SLIT3: variants seen among roughly 807,000 people sequenced by gnomAD.
SLIT3 encodes the protein slit guidance ligand 3.
SLIT3 carries 68 observed loss-of-function variants against 184.0 expected under a neutral mutation model. The observed-to-expected ratio is 0.37, with a 90% CI of 0.30 to 0.45. The LOEUF is 0.45. Among genes scored for constraint, SLIT3 ranks in the 20% least tolerant of loss-of-function variants. The pLI, the probability that SLIT3 is intolerant of heterozygous loss-of-function variation, is 1.00. For synonymous variants in SLIT3, 831 were observed against 828.6 expected (o/e 1.00, Z -0.05); for missense variants, 1,707 against 2,026.0 (o/e 0.84, Z 3.02).
intron 1 of SLIT3, among the ~76,000 whole-genome samples, chr5:169,267,974 G>A (rs1766457263): frequency 6.6e-6 from 1 of 152,172 alleles, no homozygotes; most frequent in African/African-American, 2.4e-5. Context: ...TTAAGAAAAC[G>A]AAGGAACAGC....
chr5:169,017,258 C>T (rs562510154), intron 4 of SLIT3, among the ~76,000 whole-genome samples: 25 of 152,322 alleles, frequency 1.6e-4, no homozygotes, highest in African/African-American at 3.8e-4. Context: ...CAGGCTGCTT[C>T]GCATGTTATC....
intron 8 of SLIT3, among the ~76,000 whole-genome samples, chr5:168,808,013 G>A (rs925399081): frequency 2.6e-5 from 4 of 152,124 alleles, no homozygotes; most frequent in African/African-American, 9.7e-5. Flanking sequence ...AATGACCAAA[G>A]ATTCTTATTT....
At chr5:169,187,111 GTT>G (rs761501769) in intron 4 of SLIT3, among the ~76,000 whole-genome samples, 6,454 of 94,018 alleles carry the variant, frequency 0.069, 107 homozygotes, top group Middle Eastern at 0.12. Flanking sequence ...GCAGCTATAG[GTT>G]TTTTTTTTTT....
At chr5:169,001,783 T>C in intron 4 of SLIT3, among the ~76,000 whole-genome samples, 1 of 152,146 alleles carries the variant, frequency 6.6e-6, no homozygotes, top group East Asian at 1.9e-4. Flanking sequence ...AAAAGAAAAG[T>C]TTTAGACTCC....
chr5:168,748,358 G>A lies in SLIT3; in HGVS notation c.2214C>T (p.Cys738=). Residue 738 remains cysteine, a synonymous_variant, in exon 20 of 36, where the codon TGC becomes TGT. Transcript: ENST00000519560. ...GGAGGGCGCGGAGCCCCTTGTTGCT[G>A]CATCGCACCACTGTCTCCATACAGG... The part of the protein sequence containing the change: ...QCTCMETVVR[C]SNKGLRALPR... 1.3e-6 allele frequency: 2 copies of A among 1,502,694 alleles called. No individual in the cohort carries two copies. Among genetic ancestry groups the A allele is most frequent in the Non-Finnish European group, 1.8e-6 (2 of 1,133,840 alleles). The allele number at this position is 1,502,694 out of a possible 1,614,324, so 93.1% of individuals were successfully genotyped here.
At chr5:168,956,848 T>G (rs1208921924) in intron 4 of SLIT3, among the ~76,000 whole-genome samples, 1 of 151,794 alleles carries the variant, frequency 6.6e-6, no homozygotes, top group East Asian at 1.9e-4. Flanking sequence ...ACTGCTGAGA[T>G]ACCCACAAGA....
chr5:169,120,373 AAG>A (rs1760834721), intron 4 of SLIT3: 1 of 152,232 alleles, frequency 6.6e-6, no homozygotes, highest in South Asian at 2.1e-4. Flanking sequence ...TGGGAGGAGA[AAG>A]AGGGGATGTG....
intron 4 of SLIT3, among the ~76,000 whole-genome samples, chr5:168,897,133 CTACTAT>C (rs1307266217): frequency 1.5e-4 from 1 of 6,556 alleles, no homozygotes; most frequent in African/African-American, 1.7e-4. Context: ...ACTAGGGTGA[CTACTAT>C]GTACCCAGGG....
At chr5:169,245,933 A>G (rs1421851317) in intron 2 of SLIT3, among the ~76,000 whole-genome samples, 2 of 152,152 alleles carry the variant, frequency 1.3e-5, no homozygotes, top group Admixed American at 6.5e-5. Flanking sequence ...CCCAGTCCTA[A>G]CACAGTTGCC....
chr5:168,841,519 C>T (rs954471551), intron 6 of SLIT3, among the ~76,000 whole-genome samples: 1 of 152,138 alleles, frequency 6.6e-6, no homozygotes, highest in African/African-American at 2.4e-5. Flanking sequence ...ACTGGACATC[C>T]CCCATCGGGA....
At chr5:169,241,619 T>C (rs1025419052) in intron 3 of SLIT3, among the ~76,000 whole-genome samples, 2 of 152,160 alleles carry the variant, frequency 1.3e-5, no homozygotes, top group African/African-American at 4.8e-5. Flanking sequence ...AGCGCTTTAA[T>C]AAATATTCCT....
chr5:169,204,432 A>T (rs1239618404), intron 3 of SLIT3, among the ~76,000 whole-genome samples: 1 of 152,238 alleles, frequency 6.6e-6, no homozygotes, highest in Non-Finnish European at 1.5e-5. Flanking sequence ...GTTGATAGCT[A>T]GGAGAGAATG....
chr5:168,996,677 A>G (rs1226385734), intron 4 of SLIT3, among the ~76,000 whole-genome samples: 1 of 152,216 alleles, frequency 6.6e-6, no homozygotes, highest in Non-Finnish European at 1.5e-5. Context: ...CGGATTTTTT[A>G]GTGGCCCTTC....
At chr5:168,971,727 G>A (rs1352209526) in intron 4 of SLIT3, among the ~76,000 whole-genome samples, 1 of 152,214 alleles carries the variant, frequency 6.6e-6, no homozygotes, top group African/African-American at 2.4e-5. Context: ...GAAAACCAGA[G>A]CATCCCAGAG....
chr5:169,119,790 T>C (rs1760815655), intron 4 of SLIT3: 3 of 152,214 alleles, frequency 2.0e-5, no homozygotes. Flanking sequence ...GAGTTGCTAA[T>C]TAAGTTATTT....
In SLIT3 at chr5:168,893,879, G is replaced by A. The variant is rs58017383; in HGVS notation, c.414-10543C>T. On this transcript the variant is annotated intron_variant, in intron 4 of 35. Coordinates refer to ENST00000519560, the MANE Select transcript of SLIT3 (RefSeq NM_003062.4). ...GGTTCAGAGGCATAGTATCCCATAG[G>A]TGAAGATCTACTTATGTGATAATTA... is the stretch of plus-strand genomic sequence containing the variant. Among the ~76,000 whole-genome samples, 698 of 152,284 alleles carry A rather than the reference G, an allele frequency of 4.6e-3. 1 individual carries two copies. The highest frequency in any genetic ancestry group is 0.015 in the African/African-American group (625 of 41,544).
intron 4 of SLIT3, among the ~76,000 whole-genome samples, chr5:169,177,110 T>G (rs1046678525): frequency 6.6e-6 from 1 of 152,166 alleles, no homozygotes; most frequent in Non-Finnish European, 1.5e-5. Flanking sequence ...CTGAAATAAA[T>G]GGAGGGTGCA....
intron 3 of SLIT3, among the ~76,000 whole-genome samples, chr5:169,193,971 C>T (rs957742545): frequency 2.0e-5 from 3 of 152,210 alleles, no homozygotes; most frequent in African/African-American, 7.2e-5. Flanking sequence ...CGGTGGCTTA[C>T]GCCTGTAATC....
chr5:168,991,597 T>C (rs1360234701), intron 4 of SLIT3, among the ~76,000 whole-genome samples: 1 of 152,186 alleles, frequency 6.6e-6, no homozygotes, highest in African/African-American at 2.4e-5. Flanking sequence ...AATGCCAGCC[T>C]GGGGAATGCA....
Sources: allele counts gnomAD v4.1 joint callset (sites outside exome capture counted in the v4.1 genomes callset), GRCh38; gene constraint gnomAD v4.1.1; transcripts MANE v1.5; gene names NCBI Gene and HGNC (gene_info 2026-07-23, HGNC 2026-07-21).